The following PPFIBP2 variants were observed in gnomAD, a reference collection of about 807,000 sequenced individuals.
PPFIBP2 encodes the protein liprin-beta-2.
PPFIBP2 carries 118 observed loss-of-function variants against 118.3 expected under a neutral mutation model. The observed-to-expected ratio is 1.00, with a 90% CI of 0.86 to 1.16. The LOEUF is 1.16. Among genes scored for constraint, PPFIBP2 ranks in the 50% most tolerant of loss-of-function variants. The pLI is 0.00. For missense variants in PPFIBP2, 1,195 were observed against 1,073.1 expected, an observed-to-expected ratio of 1.11 and a Z score of -1.59; for synonymous variants, 414 against 397.4, an observed-to-expected ratio of 1.04 and a Z score of -0.50.
At position 7,597,684 on chromosome 11, in the gene PPFIBP2, G is replaced by T. The variant is rs1381398094; in HGVS notation, c.486+11G>T. The T allele has an allele frequency of 1.9e-6, 3 of 1,606,232 alleles. No individual in the cohort carries two copies. The East Asian group carries it at 6.7e-5, about 36-fold the overall frequency. ...GAGATGCTTCAACAGGTAAGGGCGG[G>T]TGCACTGAAGGCCCTTGGGTGCCGA... On this transcript the variant is annotated intron_variant, in intron 5 of 23. Coordinates refer to ENST00000299492, the MANE Select transcript of PPFIBP2 (RefSeq NM_003621.5).
At chr11:7,588,694 A>G (rs1858656767) in intron 3 of PPFIBP2, among the ~76,000 whole-genome samples, 1 of 152,204 alleles carries the variant, frequency 6.6e-6, no homozygotes, top group Non-Finnish European at 1.5e-5. Flanking sequence ...CGAGGTCTGA[A>G]TTTTAGAGGA....
chr11:7,639,807 G>A lies in PPFIBP2; in HGVS notation c.1312G>A (p.Ala438Thr). ...KLSGATPNGE[A>T]AKSPPTICQP... ...TTCAGGAGCCACGCCCAATGGAGAGGCTGCCAAATCTCCTCCCACCATCTG... is the reference window on the plus strand; with the variant it reads ...TTCAGGAGCCACGCCCAATGGAGAGACTGCCAAATCTCCTCCCACCATCTG... The change falls in exon 15 of 24, where the codon GCT becomes ACT. Residue 438 changes from alanine to threonine, a missense_variant. Ala to Thr is a moderately conservative substitution (Grantham distance 58). Coordinates refer to ENST00000299492, the MANE Select transcript of PPFIBP2 (RefSeq NM_003621.5). 2 of 1,613,824 alleles carry A rather than the reference G, an allele frequency of 1.2e-6. No homozygotes were observed. The highest frequency in any genetic ancestry group is 1.7e-6 in the Non-Finnish European group (2 of 1,179,896).
At chr11:7,658,345 G>A (rs1209429240), downstream of PPFIBP2, among the ~76,000 whole-genome samples, 3 of 111,712 alleles carry the variant, frequency 2.7e-5, no homozygotes, top group African/African-American at 3.8e-5. Flanking sequence ...CCCTTCCTGT[G>A]TCCATGTGAT....
chr11:7,665,012 C>T, the PPFIBP2 span: 1 of 175,840 alleles, frequency 5.7e-6, no homozygotes, highest in South Asian at 1.5e-4. Flanking sequence ...AGTTGTGACC[C>T]CCATGGGCAT....
chr11:7,588,685 G>A (rs146356795), intron 3 of PPFIBP2, among the ~76,000 whole-genome samples: 129 of 152,316 alleles, frequency 8.5e-4, no homozygotes, highest in African/African-American at 3.1e-3. Flanking sequence ...TTGCCTCCGC[G>A]AGGTCTGAAT....
At chr11:7,549,784 C>T (rs923439383) in intron 2 of PPFIBP2, among the ~76,000 whole-genome samples, 2 of 152,056 alleles carry the variant, frequency 1.3e-5, no homozygotes, top group African/African-American at 4.8e-5. Context: ...CTACCATCTA[C>T]CGTCTCAGTT....
intron 6 of PPFIBP2, chr11:7,617,100 T>G: frequency 1.7e-5 from 17 of 985,244 alleles, no homozygotes; most frequent in Non-Finnish European, 2.0e-5. Context: ...TTCTTTCTTT[T>G]CCTTCCTACA....
intron 3 of PPFIBP2, among the ~76,000 whole-genome samples, chr11:7,579,412 C>T (rs987871910): frequency 2.6e-5 from 4 of 152,092 alleles, no homozygotes; most frequent in Non-Finnish European, 4.4e-5. Context: ...GATGACCAGA[C>T]GTTTTGGCAA....
chr11:7,653,436 G>C lies in PPFIBP2; in HGVS notation c.*218G>C, dbSNP rs1173768709. 1 of 1,502,668 alleles carries C rather than the reference G, an allele frequency of 6.7e-7. No individual in the cohort carries two copies. Among genetic ancestry groups the C allele is most frequent in the Admixed American group, 2.0e-5 (1 of 49,120 alleles). 93.1% of individuals were successfully genotyped at this position (1,502,668 alleles called of 1,614,324 possible). On this transcript the variant is annotated 3_prime_UTR_variant, in exon 24 of 24. Coordinates refer to ENST00000299492, the MANE Select transcript of PPFIBP2 (RefSeq NM_003621.5). Reference sequence around the variant, plus strand: ...GCTTTGGGGACCATTGCCAAAGGTGGACTCAGGAGGAAAGACACTTAAAGA... The same window carrying C: ...GCTTTGGGGACCATTGCCAAAGGTGCACTCAGGAGGAAAGACACTTAAAGA...
intron 3 of PPFIBP2, chr11:7,577,543 A>G: frequency 2.2e-6 from 1 of 456,634 alleles, no homozygotes; most frequent in South Asian, 1.5e-5. Context: ...CAGCCAGGAA[A>G]AGGGCTTTTT....
At chr11:7,554,521 A>G (rs1853359951) in intron 2 of PPFIBP2, among the ~76,000 whole-genome samples, 1 of 152,206 alleles carries the variant, frequency 6.6e-6, no homozygotes, top group Non-Finnish European at 1.5e-5. Flanking sequence ...CAACTAAAAC[A>G]GTGCAAACAG....
intron 16 of PPFIBP2, 165 bp from the exon 17 acceptor site, chr11:7,642,133 A>G: frequency 1.3e-6 from 1 of 784,260 alleles, no homozygotes; most frequent in African/African-American, 1.7e-5. Flanking sequence ...AGTCTGGCCA[A>G]GGAGCTGCGA....
chr11:7,603,949 A>G (rs1846999032), intron 5 of PPFIBP2, among the ~76,000 whole-genome samples: 1 of 152,124 alleles, frequency 6.6e-6, no homozygotes, highest in Non-Finnish European at 1.5e-5. Context: ...TTTGCCCCTT[A>G]TCCTCAGCTC....
chr11:7,578,980 G>C (rs1856852668), intron 3 of PPFIBP2, among the ~76,000 whole-genome samples: 1 of 151,966 alleles, frequency 6.6e-6, no homozygotes, highest in Non-Finnish European at 1.5e-5. Context: ...CCACGGTAAG[G>C]CTTTTGGGCA....
In PPFIBP2 at chr11:7,565,498, C is replaced by T. The variant is rs928609098; in HGVS notation, c.65-55C>T. ...TCACCACCTTTGCTCTTTACTAGTACCTTGCTCAGGGTGTCCACCCTTCTT... is the reference window on the plus strand; with the variant it reads ...TCACCACCTTTGCTCTTTACTAGTATCTTGCTCAGGGTGTCCACCCTTCTT... On this transcript the variant is annotated intron_variant, in intron 2 of 23. Coordinates refer to ENST00000299492, the MANE Select transcript of PPFIBP2 (RefSeq NM_003621.5). The T allele has an allele frequency of 3.4e-5, 53 of 1,578,250 alleles. No homozygotes were observed. The African/African-American group carries it at 6.3e-4, about 19-fold the overall frequency.
intron 1 of PPFIBP2, chr11:7,538,151 C>G (rs1851397346): frequency 6.6e-6 from 1 of 152,292 alleles, no homozygotes; most frequent in African/African-American, 2.4e-5. Context: ...TGGGTGTGAG[C>G]CATCAGAACC....
At chr11:7,649,877 G>A (rs1853715071) in intron 21 of PPFIBP2, among the ~76,000 whole-genome samples, 1 of 152,200 alleles carries the variant, frequency 6.6e-6, no homozygotes, top group Non-Finnish European at 1.5e-5. Context: ...CCACTGGGGA[G>A]ACACATGCTA....
At chr11:7,559,870 T>G (rs1854098477) in intron 2 of PPFIBP2, among the ~76,000 whole-genome samples, 1 of 152,226 alleles carries the variant, frequency 6.6e-6, no homozygotes, top group African/African-American at 2.4e-5. Flanking sequence ...GAGTTCACTC[T>G]TTGTTTCTGG....
chr11:7,628,079 C>CA (rs1850261324), intron 8 of PPFIBP2, among the ~76,000 whole-genome samples: 1 of 152,174 alleles, frequency 6.6e-6, no homozygotes, highest in East Asian at 1.9e-4. Context: ...AAAGAGAAGA[C>CA]AGAGTACTAG....
Sources: gnomAD v4.1 joint callset for allele counts (sites outside exome capture counted in the v4.1 genomes callset) on GRCh38, gnomAD v4.1.1 for gene constraint, MANE v1.5 for transcripts, NCBI Gene and HGNC (gene_info 2026-07-23, HGNC 2026-07-21) for gene names.